The following DNM3 variants were observed in gnomAD, a reference collection of about 807,000 sequenced individuals.
DNM3 encodes the protein dynamin-3.
DNM3 carries 47 observed loss-of-function variants against 101.6 expected under a neutral mutation model. The ratio of observed to expected loss-of-function variants is 0.46; its 90% CI spans 0.37 to 0.59. The LOEUF is 0.59. DNM3 is among the 20% of genes least tolerant of loss of function. DNM3 has a pLI of 0.00. For missense variants in DNM3, 849 were observed against 1,085.7 expected, an observed-to-expected ratio of 0.78 and a Z score of 3.06; for synonymous variants, 385 against 387.9, an observed-to-expected ratio of 0.99 and a Z score of 0.09.
At chr1:172,113,632 A>C (rs2055663914) in intron 13 of DNM3, among the ~76,000 whole-genome samples, 2 of 151,258 alleles carry the variant, frequency 1.3e-5, no homozygotes, top group African/African-American at 4.8e-5. Flanking sequence ...AAAAAAAAAA[A>C]AAAAAAAAAA....
intron 5 of DNM3, 113 bp from the exon 6 acceptor site, chr1:172,032,992 A>G (rs2125802948): frequency 7.9e-7 from 1 of 1,267,224 alleles, no homozygotes; most frequent in South Asian, 1.6e-5. Flanking sequence ...CTCAGTCTTC[A>G]GGCCTAAAAC....
intron 14 of DNM3, among the ~76,000 whole-genome samples, chr1:172,226,795 A>T (rs921429001): frequency 2.6e-5 from 4 of 152,174 alleles, no homozygotes; most frequent in Non-Finnish European, 5.9e-5. Flanking sequence ...GATGCAAGTC[A>T]TATTTCATAT....
At chr1:172,024,664 G>A (rs2048072437) in intron 4 of DNM3, among the ~76,000 whole-genome samples, 1 of 152,234 alleles carries the variant, frequency 6.6e-6, no homozygotes, top group Non-Finnish European at 1.5e-5. Context: ...AGCCAAAGCA[G>A]GATGGGGTGT....
At chr1:172,315,539 T>G (rs1049212604) in intron 16 of DNM3, among the ~76,000 whole-genome samples, 5 of 152,098 alleles carry the variant, frequency 3.3e-5, no homozygotes, top group Non-Finnish European at 7.4e-5. Context: ...AGAGAAGTGC[T>G]TAAAGGAGCT....
At chr1:171,873,486 G>A (rs539695294) in intron 1 of DNM3, among the ~76,000 whole-genome samples, 2 of 152,200 alleles carry the variant, frequency 1.3e-5, no homozygotes, top group South Asian at 4.1e-4. Context: ...AATACCCAAA[G>A]TAAATAAGTA....
At chr1:172,128,500 A>G (rs570980144) in intron 13 of DNM3, among the ~76,000 whole-genome samples, 54 of 152,324 alleles carry the variant, frequency 3.5e-4, no homozygotes, top group African/African-American at 1.3e-3. Context: ...AAAATTTCTG[A>G]TAGCCACATT....
intron 14 of DNM3, among the ~76,000 whole-genome samples, chr1:172,196,287 G>A (rs765273148): frequency 5.3e-5 from 8 of 151,474 alleles, no homozygotes; most frequent in South Asian, 4.2e-4. Flanking sequence ...ACCATATTTC[G>A]TTTAACCAAT....
chr1:172,110,500 G>T lies in DNM3; in HGVS notation c.1545+17625G>T, dbSNP rs185583146. 1.9e-3 allele frequency among the ~76,000 whole-genome samples: 285 copies of T among 152,254 alleles called. 2 individuals carry two copies. Among genetic ancestry groups the T allele is most frequent in the Non-Finnish European group, 3.7e-4 (25 of 68,020 alleles). ...AATATCCAACAAGTAACTGTTGAAT[G>T]AAAGAATTAAATATTTTAAAATCTG... On this transcript the variant is annotated intron_variant, in intron 13 of 20. Coordinates refer to ENST00000627582, the MANE Select transcript of DNM3 (RefSeq NM_015569.5).
chr1:171,919,360 T>C (rs990180089), intron 1 of DNM3, among the ~76,000 whole-genome samples: 5 of 152,254 alleles, frequency 3.3e-5, no homozygotes, highest in African/African-American at 1.2e-4. Context: ...CCTGTGTTCA[T>C]GTGTTCTCAT....
chr1:172,274,020 A>G (rs557578626), intron 15 of DNM3, among the ~76,000 whole-genome samples: 9 of 152,206 alleles, frequency 5.9e-5, no homozygotes, highest in African/African-American at 1.9e-4. Flanking sequence ...TGAAGAATCA[A>G]TATTACATTG....
At chr1:171,958,653 A>G (rs1014852164) in intron 2 of DNM3, among the ~76,000 whole-genome samples, 56 of 152,294 alleles carry the variant, frequency 3.7e-4, no homozygotes, top group African/African-American at 1.3e-3. Flanking sequence ...TGGGCAGGAT[A>G]GATGGAACAT....
At chr1:172,218,708 G>GGGA (rs1330798004) in intron 14 of DNM3, among the ~76,000 whole-genome samples, 1 of 152,044 alleles carries the variant, frequency 6.6e-6, no homozygotes, top group Non-Finnish European at 1.5e-5. Flanking sequence ...ATTGACTGTT[G>GGGA]GGAGGAAAAC....
At chr1:171,891,990 G>T (rs1003115903) in intron 1 of DNM3, among the ~76,000 whole-genome samples, 16 of 152,132 alleles carry the variant, frequency 1.1e-4, no homozygotes, top group Admixed American at 8.5e-4. Flanking sequence ...TGGGAGTTTT[G>T]TCTATTATTC....
chr1:171,886,062 C>T (rs2036737771), intron 1 of DNM3, among the ~76,000 whole-genome samples: 1 of 152,082 alleles, frequency 6.6e-6, no homozygotes, highest in Non-Finnish European at 1.5e-5. Flanking sequence ...TGGAATCTTC[C>T]ATGGGAGCAA....
At chr1:171,855,734 G>A (rs1288864650) in intron 1 of DNM3, among the ~76,000 whole-genome samples, 1 of 151,814 alleles carries the variant, frequency 6.6e-6, no homozygotes, top group Non-Finnish European at 1.5e-5. Flanking sequence ...CTTTTTTCTT[G>A]TAAATTTGTT....
At chr1:172,178,138 TA>T (rs2059219124) in intron 14 of DNM3, among the ~76,000 whole-genome samples, 1 of 151,886 alleles carries the variant, frequency 6.6e-6, no homozygotes, top group Admixed American at 6.6e-5. Context: ...TTAGTGTATC[TA>T]AACATATCTA....
chr1:172,236,102 A>C (rs1573067673), intron 14 of DNM3, among the ~76,000 whole-genome samples: 1 of 152,266 alleles, frequency 6.6e-6, no homozygotes, highest in Non-Finnish European at 1.5e-5. Flanking sequence ...TCCACTCCAA[A>C]ATGTGTTCCC....
At chr1:172,350,796 T>C (rs945222347) in intron 17 of DNM3, among the ~76,000 whole-genome samples, 1 of 152,200 alleles carries the variant, frequency 6.6e-6, no homozygotes, top group Non-Finnish European at 1.5e-5. Context: ...AGCATGACAC[T>C]GCTGAACAGT....
At chr1:171,945,306 A>G (rs1031482272) in intron 2 of DNM3, among the ~76,000 whole-genome samples, 5 of 152,282 alleles carry the variant, frequency 3.3e-5, no homozygotes, top group East Asian at 3.9e-4. Context: ...AGACTATTGT[A>G]TAGATAATAT....
Sources: gnomAD v4.1 joint callset for allele counts (sites outside exome capture counted in the v4.1 genomes callset) on GRCh38, gnomAD v4.1.1 for gene constraint, MANE v1.5 for transcripts, NCBI Gene and HGNC (gene_info 2026-07-23, HGNC 2026-07-21) for gene names.